SBF2: variants seen among roughly 807,000 people sequenced by gnomAD.
SBF2 encodes the protein myotubularin-related protein 13.
SBF2 carries 112 observed loss-of-function variants against 225.2 expected under a neutral mutation model. That is an observed-to-expected ratio of 0.50 (90% CI 0.43 to 0.58). SBF2 has a LOEUF of 0.58. SBF2 is among the 20% of genes least tolerant of loss of function. SBF2 has a pLI of 0.00. For missense variants in SBF2, 1,996 were observed against 2,206.2 expected, an observed-to-expected ratio of 0.90 and a Z score of 1.91; for synonymous variants, 763 against 773.3, an observed-to-expected ratio of 0.99 and a Z score of 0.22.
At chr11:9,788,761 A>ATTTTT (rs148717661) in intron 35 of SBF2, among the ~76,000 whole-genome samples, 1,899 of 134,778 alleles carry the variant, frequency 0.014, 34 homozygotes, top group South Asian at 0.032. Flanking sequence ...CGCCCGGCTA[A>ATTTTT]TTTTTTTTTT....
chr11:10,110,540 A>T (rs1952788371), intron 2 of SBF2, among the ~76,000 whole-genome samples: 1 of 152,202 alleles, frequency 6.6e-6, no homozygotes, highest in African/African-American at 2.4e-5. Context: ...TGGCAAATTA[A>T]TGATCACAAC....
At chr11:9,936,316 C>T (rs1482254030) in intron 16 of SBF2, among the ~76,000 whole-genome samples, 2 of 152,014 alleles carry the variant, frequency 1.3e-5, no homozygotes, top group Non-Finnish European at 2.9e-5. Flanking sequence ...GATGCTGGAG[C>T]GGATGTGGAG....
At chr11:9,963,524 T>C (rs936415100) in intron 15 of SBF2, among the ~76,000 whole-genome samples, 1 of 152,166 alleles carries the variant, frequency 6.6e-6, no homozygotes. Context: ...CAAAATAGTG[T>C]TTTGTGAACA....
chr11:10,254,115 G>A (rs1488453382), intron 1 of SBF2, among the ~76,000 whole-genome samples: 1 of 152,138 alleles, frequency 6.6e-6, no homozygotes, highest in African/African-American at 2.4e-5. Context: ...CAGGTATGGT[G>A]GCTCATGCCT....
At chr11:10,290,809 T>A (rs561111272) in intron 1 of SBF2, among the ~76,000 whole-genome samples, 5 of 152,338 alleles carry the variant, frequency 3.3e-5, no homozygotes, top group African/African-American at 1.2e-4. Context: ...TGCATATGTA[T>A]GTTTATGCAT....
intron 29 of SBF2, 94 bp downstream of exon 29, chr11:9,816,746 A>C (rs1854477504): frequency 7.9e-7 from 1 of 1,273,046 alleles, no homozygotes; most frequent in Non-Finnish European, 1.1e-6. Context: ...TCATGCTGTA[A>C]AAAAAATTCT....
chr11:10,104,942 A>T (rs1003176901), intron 2 of SBF2, among the ~76,000 whole-genome samples: 9 of 152,226 alleles, frequency 5.9e-5, no homozygotes, highest in Admixed American at 5.9e-4. Context: ...AATAAAGTCC[A>T]CTTGGTCACA....
At chr11:10,151,818 T>C (rs1407964972) in intron 2 of SBF2, among the ~76,000 whole-genome samples, 11 of 152,234 alleles carry the variant, frequency 7.2e-5, no homozygotes, top group Non-Finnish European at 2.9e-5. Context: ...AATAGGTCTA[T>C]TGCTGTCACT....
intron 1 of SBF2, among the ~76,000 whole-genome samples, chr11:10,258,081 T>TACACACACATACACAC (rs1555098202): frequency 1.4e-5 from 2 of 138,940 alleles, no homozygotes; most frequent in Non-Finnish European, 3.1e-5. Context: ...TACACACACA[T>TACACACACATACACAC]ACACACACAC....
chr11:9,780,529 A>G lies in SBF2; in HGVS notation c.5452-13T>C, dbSNP rs1223447818. On this transcript the variant is annotated splice_polypyrimidine_tract_variant and intron_variant, in intron 39 of 39. Coordinates refer to ENST00000256190, the MANE Select transcript of SBF2 (RefSeq NM_030962.4). ...TGCTGGTCTTGAGCTACAAAACCAA[A>G]TGACAGTGAACCAGAGATGAAGGGC... 9.3e-6 allele frequency: 15 copies of G among 1,611,482 alleles called. No individual in the cohort carries two copies. The highest frequency in any genetic ancestry group is 1.2e-5 in the Non-Finnish European group (14 of 1,177,630).
At chr11:10,000,843 G>T (rs955366262) in intron 8 of SBF2, 71 bp downstream of exon 8, 10 of 808,910 alleles carry the variant, frequency 1.2e-5, no homozygotes, top group Non-Finnish European at 2.2e-5. Context: ...GAGTTGAAAT[G>T]TTATAGGACC....
intron 1 of SBF2, among the ~76,000 whole-genome samples, chr11:10,226,696 A>G (rs536027266): frequency 2.0e-5 from 3 of 152,322 alleles, no homozygotes; most frequent in African/African-American, 4.8e-5. Context: ...TCCATGGTGT[A>G]TATGTGTCAC....
intron 17 of SBF2, among the ~76,000 whole-genome samples, chr11:9,875,336 T>A (rs1456713787): frequency 6.6e-6 from 1 of 152,236 alleles, no homozygotes; most frequent in Admixed American, 6.5e-5. Flanking sequence ...CAGAGGATCA[T>A]TTCTCACTTC....
intron 15 of SBF2, among the ~76,000 whole-genome samples, chr11:9,963,322 G>T (rs886413224): frequency 6.6e-6 from 1 of 151,852 alleles, no homozygotes; most frequent in African/African-American, 2.4e-5. Context: ...AAAATGAGGC[G>T]GGCGCAGTGG....
intron 2 of SBF2, among the ~76,000 whole-genome samples, chr11:10,172,709 C>T (rs1349864293): frequency 2.6e-5 from 4 of 151,578 alleles, no homozygotes; most frequent in African/African-American, 9.7e-5. Flanking sequence ...CTCTGTCGCC[C>T]AGGCTGGAGT....
chr11:10,156,811 A>AGAAT lies in SBF2; in HGVS notation c.141+37090_141+37091insATTC, dbSNP rs1321630015. Among the ~76,000 whole-genome samples the AGAAT allele has an allele frequency of 2.6e-5, 4 of 152,364 alleles. No homozygotes were observed. The East Asian group carries it at 7.7e-4, about 29-fold the overall frequency. On this transcript the variant is annotated intron_variant, in intron 2 of 39. Transcript: ENST00000256190. Reference sequence around the variant, plus strand: ...AAAACATTCCATGCTTATCAGAGGAACAATCAATATTGTTAAAATGGCCAT... The same window carrying AGAAT: ...AAAACATTCCATGCTTATCAGAGGAAGAATCAATCAATATTGTTAAAATGGCCAT...
intron 13 of SBF2, among the ~76,000 whole-genome samples, chr11:9,978,043 G>C (rs1457939771): frequency 1.3e-5 from 2 of 152,124 alleles, no homozygotes; most frequent in Admixed American, 6.5e-5. Flanking sequence ...AACAAGGAAA[G>C]AGTCAAATTA....
intron 2 of SBF2, among the ~76,000 whole-genome samples, chr11:10,085,885 C>T (rs1951547962): frequency 6.6e-6 from 1 of 152,022 alleles, no homozygotes; most frequent in Non-Finnish European, 1.5e-5. Flanking sequence ...ATACTGTACA[C>T]ATGGAAGACT....
intron 1 of SBF2, among the ~76,000 whole-genome samples, chr11:10,219,237 T>G (rs1304771763): frequency 6.6e-6 from 1 of 152,210 alleles, no homozygotes; most frequent in Non-Finnish European, 1.5e-5. Context: ...TCTTGACTTT[T>G]GTGTACCCAC....
Sources: gnomAD v4.1 joint callset for allele counts (sites outside exome capture counted in the v4.1 genomes callset) on GRCh38, gnomAD v4.1.1 for gene constraint, MANE v1.5 for transcripts, NCBI Gene and HGNC (gene_info 2026-07-23, HGNC 2026-07-21) for gene names.